Variants in CELF1 observed in about 807,000 individuals in gnomAD.
CELF1 encodes 50 kDa nuclear polyadenylated RNA-binding protein.
A neutral mutation model predicts 61.8 loss-of-function variants in CELF1; 10 were observed. That is an observed-to-expected ratio of 0.16 (90% CI 0.10 to 0.27). CELF1 has a LOEUF of 0.27. Ranked by LOEUF, CELF1 falls within the 10% of genes least tolerant of loss-of-function variation. The pLI, the probability that CELF1 is intolerant of heterozygous loss-of-function variation, is 1.00. For synonymous variants in CELF1, 236 were observed against 225.1 expected (o/e 1.05, Z -0.43); for missense variants, 380 against 639.1 (o/e 0.59, Z 4.37).
intron 1 of CELF1, among the ~76,000 whole-genome samples, chr11:47,538,972 G>C (rs149293172): frequency 6.6e-6 from 1 of 152,096 alleles, no homozygotes; most frequent in Non-Finnish European, 1.5e-5. Flanking sequence ...TTTGTTTAAA[G>C]TCTCAACAGC....
In CELF1 at chr11:47,517,377, A is replaced by G. The variant is rs181948437; in HGVS notation, c.-153-16445T>C. 3.9e-5 allele frequency among the ~76,000 whole-genome samples: 6 copies of G among 152,332 alleles called. No homozygotes were observed. In the East Asian group the frequency reaches 1.2e-3, roughly 29 times the overall value. ...CAAAGTATGCAAAGGGGCATTCATA[A>G]GAACATTGTTTACATCAGCAAAACC... is the stretch of plus-strand genomic sequence containing the variant. On this transcript the variant is annotated intron_variant, in intron 1 of 14. Coordinates refer to ENST00000687097, the MANE Select transcript of CELF1 (RefSeq NM_001376376.1).
At chr11:47,504,560 C>T (rs1388355176) in intron 1 of CELF1, among the ~76,000 whole-genome samples, 1 of 151,838 alleles carries the variant, frequency 6.6e-6, no homozygotes, top group Non-Finnish European at 1.5e-5. Context: ...GCATGGGCAA[C>T]AGCGTGAGAC....
chr11:47,535,866 G>A (rs1286128269), intron 1 of CELF1, among the ~76,000 whole-genome samples: 2 of 151,228 alleles, frequency 1.3e-5, no homozygotes, highest in Non-Finnish European at 3.0e-5. Context: ...GGGTTCAAGC[G>A]AGCCTCCTGC....
rs1051092703 is a variant in CELF1, at chr11:47,472,160, G to A, written c.*70C>T. 12 of 1,576,134 alleles carry A rather than the reference G, an allele frequency of 7.6e-6. No homozygotes were observed. The highest frequency in any genetic ancestry group is 2.7e-5 in the African/African-American group (2 of 74,216). On this transcript the variant is annotated 3_prime_UTR_variant, in exon 15 of 15. Transcript: ENST00000687097. ...TGTCAACACACAGCCTCAGGGCTTC[G>A]AATCATTAAGGGTGCTCCTCCCCCA...
intron 1 of CELF1, among the ~76,000 whole-genome samples, chr11:47,519,516 TAAATAAATAA>T (rs2095754706): frequency 7.9e-6 from 1 of 126,828 alleles, no homozygotes; most frequent in African/African-American, 2.6e-5. Context: ...AATAAATAAA[TAAATAAATAA>T]GGTACTTCAA....
chr11:47,528,883 C>T (rs951698449), intron 1 of CELF1, among the ~76,000 whole-genome samples: 1 of 145,332 alleles, frequency 6.9e-6, no homozygotes. Context: ...ACAGTGAGAC[C>T]CTGCCTCAAA....
chr11:47,481,164 T>C (rs747281788), intron 9 of CELF1, among the ~76,000 whole-genome samples: 1 of 123,428 alleles, frequency 8.1e-6, no homozygotes, highest in Non-Finnish European at 1.6e-5. Flanking sequence ...CAGGCTGGAG[T>C]GCAATGGTGC....
chr11:47,533,391 G>A (rs547889061), intron 1 of CELF1, among the ~76,000 whole-genome samples: 19 of 152,160 alleles, frequency 1.2e-4, no homozygotes, highest in African/African-American at 3.9e-4. Context: ...GGAGGCCAAG[G>A]CAGGCAGATT....
rs1292749687 is a variant in CELF1, at chr11:47,466,657, A to T, written c.*5573T>A. On this transcript the variant is annotated 3_prime_UTR_variant, in exon 15 of 15. Transcript: ENST00000687097. ...GTCTCAAATCCATTAAAACCACCACAGAACAATTAAAACAATCAGAGAGAG... is the reference window on the plus strand; with the variant it reads ...GTCTCAAATCCATTAAAACCACCACTGAACAATTAAAACAATCAGAGAGAG... The T allele has an allele frequency of 6.6e-6, 1 of 152,204 alleles. No homozygotes were observed. The highest frequency in any genetic ancestry group is 1.5e-5 in the Non-Finnish European group (1 of 68,028). The allele number at this position is 152,204 out of a possible 1,614,324, so 9.4% of individuals were successfully genotyped here.
chr11:47,489,933 TTG>T (rs2090185607), intron 3 of CELF1, among the ~76,000 whole-genome samples: 1 of 109,566 alleles, frequency 9.1e-6, no homozygotes, highest in African/African-American at 4.0e-5. Context: ...ACATACCATC[TTG>T]TTTTTTTTTT....
intron 6 of CELF1, among the ~76,000 whole-genome samples, chr11:47,485,932 C>T (rs1367131698): frequency 2.7e-5 from 4 of 146,840 alleles, no homozygotes; most frequent in Admixed American, 6.7e-5. Context: ...GAGGCCGAGG[C>T]GGGCGGATCA....
At chr11:47,506,633 G>C (rs903614135) in intron 1 of CELF1, among the ~76,000 whole-genome samples, 1 of 152,216 alleles carries the variant, frequency 6.6e-6, no homozygotes, top group Non-Finnish European at 1.5e-5. Flanking sequence ...TTTAGTGGGA[G>C]ATAAGCCTGC....
intron 10 of CELF1, 91 bp from the exon 11 acceptor site, chr11:47,477,516 T>C (rs1053871545): frequency 3.6e-6 from 5 of 1,387,746 alleles, no homozygotes; most frequent in Non-Finnish European, 5.0e-6. Context: ...AGAGGGCTGG[T>C]CCCTGACAAA....
intron 1 of CELF1, among the ~76,000 whole-genome samples, chr11:47,543,262 G>C (rs942093514): frequency 6.6e-6 from 1 of 152,108 alleles, no homozygotes; most frequent in Non-Finnish European, 1.5e-5. Flanking sequence ...TTAGCCAAGC[G>C]TGGTGTTGCG....
chr11:47,511,282 G>C (rs907851946), intron 1 of CELF1, among the ~76,000 whole-genome samples: 1 of 152,128 alleles, frequency 6.6e-6, no homozygotes, highest in Non-Finnish European at 1.5e-5. Context: ...ATGAAAGTCA[G>C]GCTGTTCAGG....
intron 1 of CELF1, among the ~76,000 whole-genome samples, chr11:47,509,968 A>G (rs578058393): frequency 6.6e-6 from 1 of 151,438 alleles, no homozygotes; most frequent in African/African-American, 2.4e-5. Context: ...AGGCTAAGGC[A>G]TAAGAATCAC....
intron 5 of CELF1, 99 bp from the exon 6 acceptor site, chr11:47,486,897 CTCTCT>C: frequency 1.1e-6 from 1 of 938,956 alleles, no homozygotes; most frequent in Non-Finnish European, 1.7e-6. Flanking sequence ...TTAAAGAGTT[CTCTCT>C]GAACTCATGT....
chr11:47,520,574 G>A (rs543720116), intron 1 of CELF1, among the ~76,000 whole-genome samples: 6 of 151,290 alleles, frequency 4.0e-5, no homozygotes, highest in Non-Finnish European at 7.4e-5. Context: ...TTGGGAAGCC[G>A]AGGTGGGCAG....
chr11:47,529,077 C>CA (rs1555187519), intron 1 of CELF1, among the ~76,000 whole-genome samples: 1 of 133,656 alleles, frequency 7.5e-6, no homozygotes, highest in Non-Finnish European at 1.6e-5. Flanking sequence ...GTTTATTTTA[C>CA]TTTTTTTTTT....
Sources: gnomAD v4.1 joint callset for allele counts (sites outside exome capture counted in the v4.1 genomes callset) on GRCh38, gnomAD v4.1.1 for gene constraint, MANE v1.5 for transcripts, NCBI Gene and HGNC (gene_info 2026-07-23, HGNC 2026-07-21) for gene names.